LRRC49: variants seen among roughly 807,000 people sequenced by gnomAD.
LRRC49 encodes the protein leucine-rich repeat-containing protein 49.
In LRRC49, 50 loss-of-function variants were observed where a neutral mutation model predicts 83.3. The ratio of observed to expected loss-of-function variants is 0.60; its 90% CI spans 0.48 to 0.76. LRRC49 has a LOEUF of 0.76. Ranked by LOEUF, LRRC49 falls within the 30% of genes least tolerant of loss-of-function variation. LRRC49 has a pLI of 0.00. For missense variants in LRRC49, 704 were observed against 809.1 expected (o/e 0.87, Z 1.58); for synonymous variants, 286 against 283.3 (o/e 1.01, Z -0.10).
chr15:70,894,138 C>T (rs576627754), intron 2 of LRRC49, among the ~76,000 whole-genome samples: 23 of 152,304 alleles, frequency 1.5e-4, no homozygotes, highest in Admixed American at 4.6e-4. Flanking sequence ...TGAAGCAATC[C>T]GCTTGCTTTG....
chr15:70,863,472 G>T (rs954955074), intron 1 of LRRC49, among the ~76,000 whole-genome samples: 2 of 152,246 alleles, frequency 1.3e-5, no homozygotes, highest in African/African-American at 4.8e-5. Context: ...ACAGACAAAA[G>T]CTGTGGGTCC....
intron 1 of LRRC49, among the ~76,000 whole-genome samples, chr15:70,870,370 T>C (rs2033000569): frequency 8.3e-6 from 1 of 120,500 alleles, no homozygotes; most frequent in Non-Finnish European, 1.9e-5. Flanking sequence ...GCAAATGCAC[T>C]ATAGTTGGTT....
chr15:70,904,748 A>T lies in LRRC49; in HGVS notation c.493A>T (p.Lys165Ter). ...LRCLRVLLLG[K>*]NRIKKISNLE... is the part of the protein sequence containing the mutation. The stretch of plus-strand genomic sequence containing the variant: ...ATGTCTTCGTGTCCTTCTGTTGGGG[A>T]AAAACAGGTATTCTTTGTAGAGCAG... Residue 165 changes from lysine (K) to a stop codon, truncating the protein, a stop_gained, in exon 5 of 16, where the codon AAA (lysine) becomes TAA (stop). Transcript: ENST00000260382. LOFTEE classifies it high-confidence loss of function. The T allele has an allele frequency of 1.3e-5, 21 of 1,610,772 alleles. No individual in the cohort carries two copies. Among genetic ancestry groups the T allele is most frequent in the Non-Finnish European group, 1.8e-5 (21 of 1,177,840 alleles).
At chr15:70,964,237 T>C (rs1001640) in intron 9 of LRRC49, among the ~76,000 whole-genome samples, 121,870 of 152,028 alleles carry the variant, frequency 0.8, 49,430 homozygotes, top group East Asian at 0.87. Flanking sequence ...CTTTAAGTTA[T>C]GTAGCATAGT....
At chr15:70,991,984 T>C (rs1338924571) in intron 11 of LRRC49, among the ~76,000 whole-genome samples, 1 of 152,222 alleles carries the variant, frequency 6.6e-6, no homozygotes, top group East Asian at 1.9e-4. Flanking sequence ...CTTATATCAG[T>C]GTATTTCCTT....
chr15:70,887,904 T>C (rs1427713442), upstream of LRRC49, among the ~76,000 whole-genome samples: 2 of 152,188 alleles, frequency 1.3e-5, no homozygotes, highest in Non-Finnish European at 2.9e-5. Flanking sequence ...AATTAATTTA[T>C]CAATATGCAC....
chr15:70,914,153 A>G (rs1472342173), intron 6 of LRRC49, among the ~76,000 whole-genome samples: 3 of 152,108 alleles, frequency 2.0e-5, no homozygotes, highest in Admixed American at 6.5e-5. Flanking sequence ...TTCATAATAT[A>G]TGAATCCAAA....
chr15:71,019,459 C>G (rs979918412), intron 14 of LRRC49, among the ~76,000 whole-genome samples: 2 of 152,162 alleles, frequency 1.3e-5, no homozygotes, highest in Non-Finnish European at 2.9e-5. Context: ...ACTGTTTGAT[C>G]CAGAGGCATT....
chr15:70,914,607 C>T (rs2034685434), intron 6 of LRRC49, among the ~76,000 whole-genome samples: 1 of 152,136 alleles, frequency 6.6e-6, no homozygotes, highest in Non-Finnish European at 1.5e-5. Context: ...AAAGTAGAAA[C>T]ATCAAGACTT....
Position 70,930,490 on chromosome 15 carries a change from A to G in LRRC49, c.712-6271A>G, listed in dbSNP as rs1282123134. Among the ~76,000 whole-genome samples, 4 of 152,294 alleles carry G rather than the reference A, an allele frequency of 2.6e-5. No individual in the cohort carries two copies. The South Asian group carries it at 8.3e-4, about 32-fold the overall frequency. Reference sequence around the variant, plus strand: ...TTCTTAAGGGCCATAGGATTTTCACAATGGCAGAGGAGCATTGGCTTCATC... The same window carrying G: ...TTCTTAAGGGCCATAGGATTTTCACGATGGCAGAGGAGCATTGGCTTCATC... On this transcript the variant is annotated intron_variant, in intron 7 of 15. Transcript: ENST00000260382.
At chr15:70,938,354 A>G (rs1176845268) in intron 8 of LRRC49, among the ~76,000 whole-genome samples, 1 of 152,192 alleles carries the variant, frequency 6.6e-6, no homozygotes, top group East Asian at 1.9e-4. Context: ...TGATTTCTCA[A>G]GAAAATAAAG....
At chr15:70,966,320 A>G (rs2036792367) in intron 9 of LRRC49, among the ~76,000 whole-genome samples, 1 of 152,140 alleles carries the variant, frequency 6.6e-6, no homozygotes, top group Admixed American at 6.6e-5. Context: ...GGGGAAACAC[A>G]GTGAGATTTG....
intron 1 of LRRC49, among the ~76,000 whole-genome samples, chr15:70,871,520 C>G (rs1217004377): frequency 2.0e-5 from 3 of 151,970 alleles, no homozygotes; most frequent in East Asian, 3.9e-4. Flanking sequence ...ACTTCCCAGA[C>G]GGGGCGACCG....
chr15:70,893,975 A>T (rs1288846216), intron 2 of LRRC49, among the ~76,000 whole-genome samples: 4 of 151,858 alleles, frequency 2.6e-5, no homozygotes, highest in African/African-American at 9.7e-5. Flanking sequence ...GCTCACTGCA[A>T]CCTCTGCCTC....
intron 15 of LRRC49, among the ~76,000 whole-genome samples, chr15:71,047,668 A>G (rs1050820934): frequency 6.6e-6 from 1 of 152,158 alleles, no homozygotes; most frequent in African/African-American, 2.4e-5. Context: ...ATGCTTTTTA[A>G]TTTCTTTCTC....
chr15:71,034,999 CTG>C (rs1283214118), intron 14 of LRRC49, among the ~76,000 whole-genome samples: 1 of 152,150 alleles, frequency 6.6e-6, no homozygotes, highest in Non-Finnish European at 1.5e-5. Context: ...AAATGTTTCA[CTG>C]TGTAACAAAG....
At chr15:71,021,664 G>A (rs1387642162) in intron 14 of LRRC49, among the ~76,000 whole-genome samples, 2 of 152,296 alleles carry the variant, frequency 1.3e-5, no homozygotes, top group East Asian at 3.9e-4. Flanking sequence ...CTGTGGATTG[G>A]ATAGGCGGCT....
upstream of LRRC49, chr15:70,892,133 C>A: frequency 6.2e-7 from 1 of 1,613,758 alleles, no homozygotes; most frequent in South Asian, 1.1e-5. Context: ...GCGGTCATTG[C>A]CTCCGTACCA....
intron 1 of LRRC49, among the ~76,000 whole-genome samples, chr15:70,866,875 A>C (rs188291507): frequency 1.3e-5 from 2 of 151,968 alleles, no homozygotes; most frequent in Admixed American, 1.3e-4. Flanking sequence ...GGCCAAGTAG[A>C]GATTGGGGTT....
Sources: allele counts gnomAD v4.1 joint callset (sites outside exome capture counted in the v4.1 genomes callset), GRCh38; gene constraint gnomAD v4.1.1; transcripts MANE v1.5; gene names NCBI Gene and HGNC (gene_info 2026-07-23, HGNC 2026-07-21).